TVP23A: variants seen among roughly 807,000 people sequenced by gnomAD.
TVP23A encodes trans-golgi network vesicle protein 23 homolog A.
Under a neutral mutation model 31.7 loss-of-function variants are expected in TVP23A, and 21 were observed. That is an observed-to-expected ratio of 0.66 (90% CI 0.47 to 0.95). TVP23A has a LOEUF of 0.95. Among genes scored for constraint, TVP23A ranks in the 40% least tolerant of loss-of-function variants. TVP23A has a pLI of 0.00. For missense variants in TVP23A, 279 were observed against 255.6 expected (o/e 1.09, Z -0.62); for synonymous variants, 104 against 96.0 (o/e 1.08, Z -0.49).
chr16:10,798,733 G>A (rs1171464708), intron 2 of TVP23A, among the ~76,000 whole-genome samples: 2 of 152,160 alleles, frequency 1.3e-5, no homozygotes, highest in Non-Finnish European at 2.9e-5. Context: ...GTGCGATCTT[G>A]GCTCACTGCA....
rs557026574 is a variant in TVP23A at position 10,792,030 on chromosome 16, G to A, written c.90-16934C>T. ...AGCCTTCCCTGAGTGCTACATAAAC[G>A]TCACACCTGATCCAACCAATCTGTG... On this transcript the variant is annotated intron_variant, in intron 2 of 7. Coordinates refer to ENST00000299866, the MANE Select transcript of TVP23A (RefSeq NM_001079512.4). Among the ~76,000 whole-genome samples, 10 of 152,282 alleles carry A rather than the reference G, an allele frequency of 6.6e-5. No homozygotes were observed. The East Asian group carries it at 1.4e-3, about 21-fold the overall frequency.
At chr16:10,766,262 T>C (rs2142823201), downstream of TVP23A, 1 of 152,558 alleles carries the variant, frequency 6.6e-6, no homozygotes, top group Admixed American at 6.5e-5. The surrounding 1 kb of genome is among the most constrained non-coding windows in gnomAD (Gnocchi z 4.8). Context: ...GTGTGTAAAA[T>C]GCAGGTGACA....
At chr16:10,762,661 C>T (rs778463021), downstream of TVP23A, among the ~76,000 whole-genome samples, 14 of 152,296 alleles carry the variant, frequency 9.2e-5, no homozygotes, top group East Asian at 3.9e-4. Context: ...GAGGGGAGGC[C>T]GGGATCCAGG....
intron 2 of TVP23A, among the ~76,000 whole-genome samples, chr16:10,794,045 C>CCCT (rs1179024639): frequency 4.6e-5 from 7 of 152,028 alleles, no homozygotes; most frequent in Non-Finnish European, 1.0e-4. Flanking sequence ...AATGCTGCAC[C>CCCT]CCCAGGAGGG....
chr16:10,793,901 C>CAAAAAAAAAAAAA (rs61392688), intron 2 of TVP23A, among the ~76,000 whole-genome samples: 1 of 39,180 alleles, frequency 2.6e-5, no homozygotes. Flanking sequence ...CCTGTCTCAC[C>CAAAAAAAAAAAAA]AAAAAAAAAA....
chr16:10,775,980 C>A (rs1377504170), intron 2 of TVP23A, among the ~76,000 whole-genome samples: 2 of 151,402 alleles, frequency 1.3e-5, no homozygotes, highest in Non-Finnish European at 1.5e-5. Context: ...AACTCCTGAC[C>A]TCAGGTGATC....
At chr16:10,801,968 C>G (rs1166433286) in intron 2 of TVP23A, among the ~76,000 whole-genome samples, 1 of 151,918 alleles carries the variant, frequency 6.6e-6, no homozygotes, top group East Asian at 1.9e-4. Flanking sequence ...CCTAGGAGCC[C>G]TGGCGCAATA....
chr16:10,808,286 T>TCATGTCCA (rs547292514), intron 2 of TVP23A, among the ~76,000 whole-genome samples: 11 of 152,222 alleles, frequency 7.2e-5, no homozygotes, highest in Non-Finnish European at 1.3e-4. Flanking sequence ...CCAGGACTGC[T>TCATGTCCA]TTTGTATCCA....
At chr16:10,775,753 T>C (rs940840769) in intron 2 of TVP23A, among the ~76,000 whole-genome samples, 1 of 144,406 alleles carries the variant, frequency 6.9e-6, no homozygotes, top group South Asian at 2.4e-4. Flanking sequence ...TCTTTTTTTT[T>C]TTTTTTTTTT....
intron 7 of TVP23A, among the ~76,000 whole-genome samples, chr16:10,769,748 A>G (rs1176356111): frequency 6.6e-6 from 1 of 152,194 alleles, no homozygotes; most frequent in East Asian, 1.9e-4. Flanking sequence ...TATATCCAGT[A>G]ATGTCCAGTG....
intron 2 of TVP23A, among the ~76,000 whole-genome samples, chr16:10,780,385 T>A (rs2032349588): frequency 1.3e-5 from 2 of 152,158 alleles, no homozygotes; most frequent in African/African-American, 4.8e-5. Context: ...TCCTTTGTTA[T>A]CTTGTCATAC....
At chr16:10,789,079 C>T (rs577267573) in intron 2 of TVP23A, among the ~76,000 whole-genome samples, 3 of 152,296 alleles carry the variant, frequency 2.0e-5, no homozygotes, top group South Asian at 2.1e-4. Context: ...CCACCTGCCT[C>T]GGCCTCCCAA....
intron 6 of TVP23A, 43 bp from the exon 7 acceptor site, chr16:10,770,374 C>T (rs908877339): frequency 9.1e-6 from 14 of 1,539,186 alleles, no homozygotes; most frequent in Middle Eastern, 1.7e-4. Context: ...TCCTTACACG[C>T]GAGTGGGGCG....
intron 2 of TVP23A, among the ~76,000 whole-genome samples, chr16:10,815,302 C>G (rs919560015): frequency 6.6e-5 from 10 of 152,176 alleles, no homozygotes; most frequent in African/African-American, 1.2e-4. Context: ...GTCCCAGCTA[C>G]TTGGGAGACT....
chr16:10,762,894 C>T (rs1415738974), downstream of TVP23A, among the ~76,000 whole-genome samples: 1 of 147,912 alleles, frequency 6.8e-6, no homozygotes. Flanking sequence ...GGAAGGGCTG[C>T]ATGGGGAGAA....
At position 10,810,370 on chromosome 16, in the gene TVP23A, G is replaced by C. The variant is rs148327408; in HGVS notation, c.89+7733C>G. On this transcript the variant is annotated intron_variant, in intron 2 of 7. Coordinates refer to ENST00000299866, the MANE Select transcript of TVP23A (RefSeq NM_001079512.4). The stretch of plus-strand genomic sequence containing the variant: ...TCAAGACCAGCCTGGGCAACATAGT[G>C]ATCCCGTCTCTACAAAAAATAGAAA... Among the ~76,000 whole-genome samples, 12 of 152,070 alleles carry C rather than the reference G, an allele frequency of 7.9e-5. No homozygotes were observed. The East Asian group carries it at 2.3e-3, about 29-fold the overall frequency.
downstream of TVP23A, chr16:10,765,937 G>C (rs1240110206): frequency 3.9e-5 from 6 of 152,312 alleles, no homozygotes; most frequent in African/African-American, 1.4e-4. This position sits in a 1 kb window ranked among gnomAD's most constrained non-coding sequence, Gnocchi z 4.0. Flanking sequence ...AAAGGAAGGG[G>C]TGGTTAACAC....
chr16:10,781,648 C>T (rs1449051341), intron 2 of TVP23A, among the ~76,000 whole-genome samples: 1 of 152,138 alleles, frequency 6.6e-6, no homozygotes, highest in Non-Finnish European at 1.5e-5. Flanking sequence ...AGAAAAAGCA[C>T]AGCTCTACCC....
chr16:10,812,923 A>T (rs1471371368), intron 2 of TVP23A, among the ~76,000 whole-genome samples: 1 of 152,146 alleles, frequency 6.6e-6, no homozygotes, highest in Non-Finnish European at 1.5e-5. Context: ...AGTAAAAAGA[A>T]ATAAAAAGTT....
Sources: allele counts gnomAD v4.1 joint callset (sites outside exome capture counted in the v4.1 genomes callset), GRCh38; gene constraint gnomAD v4.1.1; non-coding constraint Gnocchi (gnomAD v3.1); transcripts MANE v1.5; gene names NCBI Gene and HGNC (gene_info 2026-07-23, HGNC 2026-07-21).